GGT7: variants seen among roughly 807,000 people sequenced by gnomAD.
The protein encoded by GGT7 is gamma-glutamyltransferase 7, also known as glutathione hydrolase 7.
GGT7 carries 30 observed loss-of-function variants against 69.2 expected under a neutral mutation model. The ratio of observed to expected loss-of-function variants is 0.43; its 90% CI spans 0.32 to 0.59. The LOEUF is 0.59. GGT7 is among the 20% of genes least tolerant of loss of function. The pLI is 0.05. For missense variants in GGT7, 733 were observed against 901.1 expected (o/e 0.81, Z 2.39); for synonymous variants, 388 against 391.8 (o/e 0.99, Z 0.12).
At chr20:34,867,583 G>A (rs1196768260) in intron 1 of GGT7, among the ~76,000 whole-genome samples, 2 of 152,136 alleles carry the variant, frequency 1.3e-5, no homozygotes, top group South Asian at 2.1e-4. Context: ...AGGAATGGTG[G>A]TGTGCACCTG....
intron 14 of GGT7, among the ~76,000 whole-genome samples, chr20:34,846,634 A>G (rs188614644): frequency 9.2e-5 from 14 of 152,138 alleles, no homozygotes; most frequent in African/African-American, 3.4e-4. Context: ...TAGCCTGTTC[A>G]AACAGCAGCC....
Position 34,861,510 on chromosome 20 carries a change from C to T in GGT7, c.610G>A (p.Asp204Asn). Residue 204 changes from aspartate (D) to asparagine (N), a missense_variant, in exon 4 of 15, where the codon GAT becomes AAT. By Grantham distance (23) the Asp-to-Asn change is conservative. Coordinates refer to ENST00000336431, the MANE Select transcript of GGT7 (RefSeq NM_178026.3). ...DIRRNESHLIDFRESAPGALR... is the reference protein window; with the variant it reads ...DIRRNESHLINFRESAPGALR... ...GCCCCTGGTGCGGACTCCCGGAAAT[C>T]AATTAGGTGGCTCTCATTTCGTCGG... is the stretch of plus-strand genomic sequence containing the variant. 6.5e-7 allele frequency: 1 copy of T among 1,545,044 alleles called. No homozygotes were observed. The highest frequency in any genetic ancestry group is 8.8e-7 in the Non-Finnish European group (1 of 1,134,542).
intron 6 of GGT7, 130 bp from the exon 7 acceptor site, chr20:34,859,769 G>T: frequency 1.2e-6 from 1 of 850,820 alleles, no homozygotes; most frequent in Non-Finnish European, 1.8e-6. Context: ...AGCCTGTTAA[G>T]TGCGAGGCAG....
chr20:34,851,260 C>T lies in GGT7; in HGVS notation c.1696G>A (p.Ala566Thr), dbSNP rs775662218. ...GTYLALGANG[A>T]ARGLSGLTQV... ...GTCAGGCCGCTGAGGCCCCGCGCAG[C>T]TCCATTGGCCCCCAGAGCGAGGTAG... The change falls in exon 13 of 15, where the codon GCT becomes ACT. Residue 566 changes from alanine (A) to threonine (T), a missense_variant. Ala to Thr is a moderately conservative substitution (Grantham distance 58). Coordinates refer to ENST00000336431, the MANE Select transcript of GGT7 (RefSeq NM_178026.3). 1.5e-5 allele frequency: 25 copies of T among 1,613,724 alleles called. No individual in the cohort carries two copies. The highest frequency in any genetic ancestry group is 2.0e-5 in the Non-Finnish European group (24 of 1,180,034).
intron 10 of GGT7, among the ~76,000 whole-genome samples, chr20:34,853,340 G>GGT (rs10527077): frequency 0.055 from 8,068 of 147,270 alleles, 220 homozygotes; most frequent in Middle Eastern, 0.083. Flanking sequence ...ATTTCATATA[G>GGT]GTGTGTGTGT....
intron 13 of GGT7, 42 bp downstream of exon 13, chr20:34,851,189 T>C (rs1212738305): frequency 6.2e-7 from 1 of 1,607,758 alleles, no homozygotes. Context: ...GGCCACAGCT[T>C]GGCTCCCGGC....
chr20:34,853,340 GGTGTGTGTGTGTGTGT>G (rs10527077), intron 10 of GGT7, among the ~76,000 whole-genome samples: 59,838 of 147,328 alleles, frequency 0.41, 12,462 homozygotes, highest in African/African-American at 0.51. Context: ...ATTTCATATA[GGTGTGTGTGTGTGTGT>G]GTGTGTGTGT....
chr20:34,869,839 C>T (rs764868021), intron 1 of GGT7, among the ~76,000 whole-genome samples: 2 of 152,108 alleles, frequency 1.3e-5, no homozygotes, highest in South Asian at 2.1e-4. Flanking sequence ...ATAGAACATG[C>T]TATAGATGAG....
chr20:34,859,690 G>A (rs760054042), intron 6 of GGT7, 51 bp from the exon 7 acceptor site: 69 of 1,427,608 alleles, frequency 4.8e-5, no homozygotes, highest in African/African-American at 7.0e-5. Context: ...GGACTGGACC[G>A]GATGAGACGC....
intron 1 of GGT7, among the ~76,000 whole-genome samples, chr20:34,866,890 C>T (rs1324308132): frequency 6.6e-6 from 1 of 151,146 alleles, no homozygotes; most frequent in Non-Finnish European, 1.5e-5. Flanking sequence ...TGTTTTTAAA[C>T]TTTATTTTCA....
chr20:34,860,385 G>A, intron 4 of GGT7, 64 bp from the exon 5 acceptor site: 1 of 1,215,434 alleles, frequency 8.2e-7, no homozygotes, highest in Non-Finnish European at 1.2e-6. Flanking sequence ...GTGCTGGGCT[G>A]AACTCCGCAG....
chr20:34,849,335 A>C (rs957640085), intron 14 of GGT7, among the ~76,000 whole-genome samples: 4 of 138,684 alleles, frequency 2.9e-5, no homozygotes, highest in Non-Finnish European at 6.2e-5. Context: ...AATTTAAAAA[A>C]ATTTTTTTAT....
intron 7 of GGT7, among the ~76,000 whole-genome samples, 191 bp from the exon 8 acceptor site, chr20:34,857,084 T>C (rs1200793638): frequency 1.3e-5 from 2 of 152,130 alleles, no homozygotes; most frequent in African/African-American, 4.8e-5. Context: ...AGCACTAACA[T>C]TGAGCACCTA....
At chr20:34,871,324 G>A (rs7263157) in intron 1 of GGT7, among the ~76,000 whole-genome samples, 100,645 of 151,966 alleles carry the variant, frequency 0.66, 34,801 homozygotes, top group African/African-American at 0.86. Flanking sequence ...AGGTGTGCCT[G>A]TTGTCGCTTG....
intron 12 of GGT7, 49 bp downstream of exon 12, chr20:34,852,106 C>T (rs764404000): frequency 4.3e-5 from 47 of 1,104,626 alleles, no homozygotes; most frequent in Non-Finnish European, 6.4e-5. Flanking sequence ...ATTGCACCTC[C>T]TACCTATAGG....
rs752106021 is a variant in GGT7, at chr20:34,854,635, G to A, written c.1231-16C>T. The A allele has an allele frequency of 1.0e-5, 16 of 1,598,438 alleles. No individual in the cohort carries two copies. In the South Asian group the frequency reaches 1.7e-4, roughly 17 times the overall value. On this transcript the variant is annotated splice_polypyrimidine_tract_variant and intron_variant, in intron 9 of 14. Coordinates refer to ENST00000336431, the MANE Select transcript of GGT7 (RefSeq NM_178026.3). ...TCTTCAGGGTCTGAAAATACAGCAG[G>A]GATATGGAAGAGGCTGCCAGGCCCC...
At chr20:34,849,078 C>G (rs1374607893) in intron 14 of GGT7, among the ~76,000 whole-genome samples, 3 of 152,144 alleles carry the variant, frequency 2.0e-5, no homozygotes, top group African/African-American at 7.2e-5. Flanking sequence ...TCACCAAACC[C>G]ACTCCTGCCC....
chr20:34,862,666 AG>A (rs2079617574), intron 3 of GGT7, 147 bp downstream of exon 3: 5 of 762,722 alleles, frequency 6.6e-6, no homozygotes, highest in Non-Finnish European at 1.1e-5. Flanking sequence ...TCCAGGGAGA[AG>A]GGGGTGAAAT....
Position 34,862,870 on chromosome 20 carries a change from C to T in GGT7, c.501G>A (p.Ala167=), listed in dbSNP as rs766254753. 6 of 1,614,040 alleles carry T rather than the reference C, an allele frequency of 3.7e-6. No individual in the cohort carries two copies. In the African/African-American group the frequency reaches 4.0e-5, roughly 11 times the overall value. ...TACCCAAACACAAGGCTGCTGCCACCGCTGCGTCCACAGAAGATCCCTGTT... is the reference window on the plus strand; with the variant it reads ...TACCCAAACACAAGGCTGCTGCCACTGCTGCGTCCACAGAAGATCCCTGTT... ...LSKQGSSVDA[A]VAAALCLGIV... is the part of the protein sequence containing the mutation. The change falls in exon 3 of 15, where the codon GCG becomes GCA. Residue 167 remains alanine, a synonymous_variant. Coordinates refer to ENST00000336431, the MANE Select transcript of GGT7 (RefSeq NM_178026.3).
Sources: gnomAD v4.1 joint callset for allele counts (sites outside exome capture counted in the v4.1 genomes callset) on GRCh38, gnomAD v4.1.1 for gene constraint, MANE v1.5 for transcripts, NCBI Gene and HGNC (gene_info 2026-07-23, HGNC 2026-07-21) for gene names.